SLC8A1: variants seen among roughly 807,000 people sequenced by gnomAD.
SLC8A1 encodes solute carrier family 8 member A1.
A neutral mutation model predicts 68.3 loss-of-function variants in SLC8A1; 18 were observed. That is an observed-to-expected ratio of 0.26 (90% confidence interval 0.18 to 0.39). The LOEUF is 0.39. Ranked by LOEUF, SLC8A1 falls within the 10% of genes least tolerant of loss-of-function variation. SLC8A1 has a pLI of 1.00. For missense variants in SLC8A1, 985 were observed against 1,156.7 expected (o/e 0.85, Z 2.15); for synonymous variants, 475 against 415.5 (o/e 1.14, Z -1.74).
At chr2:40,507,197 G>C (rs1437410872) in intron 1 of SLC8A1, among the ~76,000 whole-genome samples, 1 of 151,876 alleles carries the variant, frequency 6.6e-6, no homozygotes, top group Non-Finnish European at 1.5e-5. Flanking sequence ...TCCTTTAAAT[G>C]ATTCTTATCT....
Position 40,378,112 on chromosome 2 carries a change from C to T in SLC8A1, c.1808+50361G>A, listed in dbSNP as rs529920752. On this transcript the variant is annotated intron_variant, in intron 2 of 7. Coordinates refer to ENST00000406785, the Ensembl canonical transcript of SLC8A1. ...ATCAGTGAACAGAACAGATAAAAAT[C>T]TATGCCTTTATAGAGTTTAAATTCT... is the stretch of plus-strand genomic sequence containing the variant. Among the ~76,000 whole-genome samples, 20 of 152,172 alleles carry T rather than the reference C, an allele frequency of 1.3e-4. 1 individual carries two copies. The South Asian group carries it at 4.1e-3, about 32-fold the overall frequency.
At chr2:40,140,428 T>C (rs1258238171) in intron 6 of SLC8A1, among the ~76,000 whole-genome samples, 1 of 152,194 alleles carries the variant, frequency 6.6e-6, no homozygotes, top group Non-Finnish European at 1.5e-5. Flanking sequence ...AAACCCATGC[T>C]GGGAACTCCT....
chr2:40,406,510 A>G (rs1161641299), intron 2 of SLC8A1, among the ~76,000 whole-genome samples: 2 of 152,190 alleles, frequency 1.3e-5, no homozygotes, highest in Non-Finnish European at 2.9e-5. Context: ...GCAGCTTTTC[A>G]CTATCAGACA....
intron 2 of SLC8A1, among the ~76,000 whole-genome samples, chr2:40,400,511 T>C (rs1259230423): frequency 6.6e-6 from 1 of 152,226 alleles, no homozygotes; most frequent in Non-Finnish European, 1.5e-5. Flanking sequence ...ACTCTTCTTT[T>C]CTAATCTTTT....
chr2:40,494,015 T>A (rs919420112), intron 1 of SLC8A1, among the ~76,000 whole-genome samples: 3 of 146,636 alleles, frequency 2.0e-5, no homozygotes, highest in East Asian at 2.2e-4. Context: ...TTGGATAAAC[T>A]TTTTTTTTTC....
intron 1 of SLC8A1, among the ~76,000 whole-genome samples, chr2:40,507,599 C>T (rs983264090): frequency 4.6e-5 from 7 of 151,980 alleles, no homozygotes; most frequent in African/African-American, 1.7e-4. Context: ...ACGGAAATGA[C>T]TGTGGAGCAG....
intron 6 of SLC8A1, among the ~76,000 whole-genome samples, chr2:40,149,072 A>C (rs1283391860): frequency 2.0e-5 from 3 of 152,190 alleles, no homozygotes; most frequent in Non-Finnish European, 4.4e-5. Context: ...TTATTTGGTC[A>C]AGGCCTGGTG....
chr2:40,224,094 G>C (rs1289299989), intron 2 of SLC8A1, among the ~76,000 whole-genome samples: 1 of 152,134 alleles, frequency 6.6e-6, no homozygotes, highest in Non-Finnish European at 1.5e-5. Flanking sequence ...GCTTCGTAGG[G>C]ACTCATACAT....
At chr2:40,437,999 A>C (rs1349986474) in intron 1 of SLC8A1, among the ~76,000 whole-genome samples, 1 of 151,078 alleles carries the variant, frequency 6.6e-6, no homozygotes, top group East Asian at 2.1e-4. Flanking sequence ...GAACATTGAC[A>C]CTGAGCACTG....
chr2:40,252,061 A>T (rs2062844919), intron 2 of SLC8A1, among the ~76,000 whole-genome samples: 2 of 152,320 alleles, frequency 1.3e-5, no homozygotes, highest in Non-Finnish European at 2.9e-5. Flanking sequence ...CAAACAATAA[A>T]TGGTTAATCA....
In SLC8A1 at chr2:40,410,769, C is replaced by T. The variant is rs566114824; in HGVS notation, c.1808+17704G>A. The stretch of plus-strand genomic sequence containing the variant: ...AAGTTATCTTCAAAATCTGATAATA[C>T]ATTGCATGTCATTTTCTTATTAAAA... On this transcript the variant is annotated intron_variant, in intron 2 of 7. Coordinates refer to ENST00000406785, the Ensembl canonical transcript of SLC8A1. Among the ~76,000 whole-genome samples the T allele has an allele frequency of 1.6e-4, 24 of 152,124 alleles. 1 individual carries two copies. The South Asian group carries it at 4.1e-3, about 26-fold the overall frequency.
chr2:40,152,842 G>A (rs2043708421), intron 6 of SLC8A1, among the ~76,000 whole-genome samples: 1 of 152,038 alleles, frequency 6.6e-6, no homozygotes, highest in Admixed American at 6.6e-5. Context: ...CCTGCCTGTA[G>A]TCCCAGCTAC....
At chr2:40,342,773 T>G (rs184844548) in intron 2 of SLC8A1, among the ~76,000 whole-genome samples, 2 of 152,150 alleles carry the variant, frequency 1.3e-5, no homozygotes, top group African/African-American at 4.8e-5. Context: ...ACTTTATATC[T>G]CAGATGACGG....
At chr2:40,397,804 C>A (rs375102604) in intron 2 of SLC8A1, among the ~76,000 whole-genome samples, 1 of 152,166 alleles carries the variant, frequency 6.6e-6, no homozygotes, top group Non-Finnish European at 1.5e-5. Flanking sequence ...CTGGGAATCA[C>A]CAGCATTTGC....
At chr2:40,270,714 G>C (rs1470306832) in intron 2 of SLC8A1, among the ~76,000 whole-genome samples, 1 of 152,218 alleles carries the variant, frequency 6.6e-6, no homozygotes, top group Non-Finnish European at 1.5e-5. Flanking sequence ...GCCAAGTCAG[G>C]TGACAGATAC....
At chr2:40,156,357 G>T (rs771612917) in intron 6 of SLC8A1, among the ~76,000 whole-genome samples, 1 of 129,552 alleles carries the variant, frequency 7.7e-6, no homozygotes, top group African/African-American at 2.9e-5. Flanking sequence ...CAAAACTGCT[G>T]GAGTTTTTTT....
intron 7 of SLC8A1, among the ~76,000 whole-genome samples, chr2:40,128,705 A>G (rs2038684528): frequency 6.6e-6 from 1 of 152,224 alleles, no homozygotes; most frequent in Admixed American, 6.5e-5. Context: ...TGTTGGGGGC[A>G]GGGTAGTGGA....
chr2:40,161,240 C>G (rs1006918695), intron 5 of SLC8A1, among the ~76,000 whole-genome samples: 9 of 152,176 alleles, frequency 5.9e-5, no homozygotes, highest in Non-Finnish European at 1.0e-4. Context: ...CCCTATTCAG[C>G]ACTACATATC....
intron 6 of SLC8A1, among the ~76,000 whole-genome samples, chr2:40,155,234 A>G (rs1363638034): frequency 1.3e-5 from 2 of 152,146 alleles, no homozygotes; most frequent in Admixed American, 6.5e-5. Flanking sequence ...GGTTCACGCC[A>G]TTCTCCTGCC....
Sources: allele counts gnomAD v4.1 joint callset (sites outside exome capture counted in the v4.1 genomes callset), GRCh38; gene constraint gnomAD v4.1.1; transcripts MANE v1.5; gene names NCBI Gene and HGNC (gene_info 2026-07-23, HGNC 2026-07-21).